The following KRT25 variants were observed in gnomAD, a reference collection of about 807,000 sequenced individuals.
KRT25 encodes the protein keratin, type I cytoskeletal 25.
In KRT25, 37 loss-of-function variants were observed where a neutral mutation model predicts 47.6. That is an observed-to-expected ratio of 0.78 (90% CI 0.60 to 1.02). The LOEUF (loss-of-function observed/expected upper bound fraction) is 1.02. KRT25 is among the 50% of genes least tolerant of loss of function. KRT25 has a pLI of 0.00. For synonymous variants in KRT25, 203 were observed against 210.2 expected, an observed-to-expected ratio of 0.97 and a Z score of 0.30; for missense variants, 542 against 550.3, an observed-to-expected ratio of 0.98 and a Z score of 0.15.
intron 2 of KRT25, 42 bp downstream of exon 2, chr17:40,754,344 A>G: frequency 6.7e-7 from 1 of 1,496,458 alleles, no homozygotes; most frequent in Non-Finnish European, 9.3e-7. Flanking sequence ...AATGCGTTGC[A>G]TGAATTGCCA....
intron 3 of KRT25, among the ~76,000 whole-genome samples, 197 bp downstream of exon 3, chr17:40,753,663 G>A (rs1001169224): frequency 8.6e-6 from 1 of 116,796 alleles, no homozygotes; most frequent in Non-Finnish European, 1.6e-5. Context: ...CAGCCTGGAC[G>A]GCAGAGCGAG....
chr17:40,753,755 G>A (rs1228089104), intron 3 of KRT25, 105 bp downstream of exon 3: 9 of 399,830 alleles, frequency 2.3e-5, no homozygotes, highest in Admixed American at 3.4e-5. Flanking sequence ...GTCTGACAAT[G>A]TGTCTTCAGC....
intron 1 of KRT25, 142 bp downstream of exon 1, chr17:40,754,701 A>G: frequency 1.1e-6 from 1 of 916,488 alleles, no homozygotes. Context: ...CTGGGCAACA[A>G]GAGCAAAACT....
chr17:40,751,234 G>A lies in KRT25; in HGVS notation c.762C>T (p.Asn254=), dbSNP rs1212722820. 3.1e-6 allele frequency: 5 copies of A among 1,614,156 alleles called. No homozygotes were observed. Among genetic ancestry groups the A allele is most frequent in the South Asian group, 1.1e-5 (1 of 91,086 alleles). ...CAAGGGCTTCGTACTCAGCTCGCATGTTGTTCAGCAGAACTGTGAGGTCCA... is the reference window on the plus strand; with the variant it reads ...CAAGGGCTTCGTACTCAGCTCGCATATTGTTCAGCAGAACTGTGAGGTCCA... The part of the protein sequence containing the change: ...PGVDLTVLLN[N]MRAEYEALAE... Residue 254 remains asparagine, a synonymous_variant, in exon 4 of 8, where the codon AAC becomes AAT. Coordinates refer to ENST00000312150, the MANE Select transcript of KRT25 (RefSeq NM_181534.4).
chr17:40,749,397 T>G lies in KRT25; in HGVS notation c.1176-72A>C, dbSNP rs2038026173. On this transcript the variant is annotated intron_variant, in intron 6 of 7. Transcript: ENST00000312150. ...ATTCTAGGATCACCATATGGTTTTC[T>G]TTAGCTCTTTGGTAGTTTCAACTGT... 3.6e-6 allele frequency: 4 copies of G among 1,122,788 alleles called. No individual in the cohort carries two copies. In the African/African-American group the frequency reaches 6.2e-5, roughly 17 times the overall value. The allele number at this position is 1,122,788 out of a possible 1,614,324, so 69.6% of individuals were successfully genotyped here.
Position 40,753,840 on chromosome 17 carries a change from T to G in KRT25, c.669+20A>C, listed in dbSNP as rs1433729334. ...CAGTGTCTGCGGAGGGATAGCAAAA[T>G]GTAGACGACCAGCTCTTACCTCTTT... On this transcript the variant is annotated intron_variant, in intron 3 of 7. Transcript: ENST00000312150. The G allele has an allele frequency of 2.5e-6, 4 of 1,611,706 alleles. No individual in the cohort carries two copies. The highest frequency in any genetic ancestry group is 3.4e-6 in the Non-Finnish European group (4 of 1,178,846).
Position 40,748,132 on chromosome 17 carries a change from T to C in KRT25, c.*145A>G, listed in dbSNP as rs943938031. ...GCATTCTTCTAGATGAATGGGGAGA[T>C]GCTGTCATTGATTGCCCAGAAAGAA... On this transcript the variant is annotated 3_prime_UTR_variant, in exon 8 of 8. Coordinates refer to ENST00000312150, the MANE Select transcript of KRT25 (RefSeq NM_181534.4). 6 of 533,650 alleles carry C rather than the reference T, an allele frequency of 1.1e-5. No homozygotes were observed. The highest frequency in any genetic ancestry group is 2.0e-5 in the Non-Finnish European group (6 of 304,280). The allele number at this position is 533,650 out of a possible 1,614,324, so 33.1% of individuals were successfully genotyped here.
Position 40,755,238 on chromosome 17 carries a change from A to T in KRT25, c.34T>A (p.Ser12Thr). 6.2e-7 allele frequency: 1 copy of T among 1,613,980 alleles called. No individual in the cohort carries two copies. The highest frequency in any genetic ancestry group is 2.2e-5 in the East Asian group (1 of 44,878). Residue 12 changes from serine to threonine, a missense_variant, in exon 1 of 8, where the codon TCC becomes ACC. Physicochemically the swap from Ser to Thr is moderately conservative, Grantham distance 58. Coordinates refer to ENST00000312150, the MANE Select transcript of KRT25 (RefSeq NM_181534.4). ...GATCCAGTGGTGGGACGAGGACAGG[A>T]CCTCCTGGATGCACTGGAAAGTCGA... ...SLRLSSASRR[S>T]CPRPTTGSLR...
At chr17:40,752,682 A>G (rs1054037977) in intron 3 of KRT25, among the ~76,000 whole-genome samples, 14 of 152,224 alleles carry the variant, frequency 9.2e-5, no homozygotes, top group Non-Finnish European at 2.1e-4. Flanking sequence ...ACAAAAATCA[A>G]TTGCTTTTGA....
chr17:40,750,634 T>C (rs758129489), intron 5 of KRT25, 37 bp from the exon 6 acceptor site: 2 of 1,607,318 alleles, frequency 1.2e-6, no homozygotes, highest in African/African-American at 2.7e-5. Context: ...GAAATGGATA[T>C]GCAGATATGC....
rs866035716 is a variant in KRT25 at position 40,751,875 on chromosome 17, T to C, written c.670-549A>G. 6.6e-4 allele frequency among the ~76,000 whole-genome samples: 50 copies of C among 75,960 alleles called. No homozygotes were observed. The East Asian group carries it at 9.3e-3, about 14-fold the overall frequency. 49.8% of individuals were successfully genotyped at this position (75,960 alleles called of 152,430 possible). A position where few individuals can be genotyped will look rare whatever the true frequency, so the allele number is the denominator to read the frequency against. ...ATAAATGTATGTGTGTGTGTGTGTGTGTGCGTGCGTGTGTGTGTGTGTGTG... is the reference window on the plus strand; with the variant it reads ...ATAAATGTATGTGTGTGTGTGTGTGCGTGCGTGCGTGTGTGTGTGTGTGTG... On this transcript the variant is annotated intron_variant, in intron 3 of 7. Coordinates refer to ENST00000312150, the MANE Select transcript of KRT25 (RefSeq NM_181534.4).
At chr17:40,751,365 T>C (rs761405423) in intron 3 of KRT25, 39 bp from the exon 4 acceptor site, 1 of 1,563,316 alleles carries the variant, frequency 6.4e-7, no homozygotes, top group Admixed American at 2.0e-5. Flanking sequence ...TCTGCAGGAA[T>C]CTCATGGAAA....
At chr17:40,753,375 G>A (rs2038068692) in intron 3 of KRT25, among the ~76,000 whole-genome samples, 1 of 151,580 alleles carries the variant, frequency 6.6e-6, no homozygotes, top group African/African-American at 2.4e-5. Flanking sequence ...GAGCAAGGGT[G>A]AATCTGTACA....
intron 1 of KRT25, 85 bp from the exon 2 acceptor site, chr17:40,754,553 C>T: frequency 1.5e-6 from 2 of 1,302,610 alleles, no homozygotes; most frequent in South Asian, 1.2e-5. Flanking sequence ...TTGGAATTCT[C>T]TTTAAGAAAT....
rs2038024661 is a variant in KRT25 at position 40,749,277 on chromosome 17, AT to A, written c.1223del (p.Asn408MetfsTer13). ...GYKSKDYGSG[N>X]VGSQVKDPAK... ...AATTACCTTTGACTTGACTTCCCAC[AT>A]TTCCAGATCCATAATCTTTAGACTT... On this transcript the variant is annotated frameshift_variant, in exon 7 of 8. Transcript: ENST00000312150. LOFTEE classifies it high-confidence loss of function. 6.2e-7 allele frequency: 1 copy of A among 1,613,316 alleles called. No individual in the cohort carries two copies. Among genetic ancestry groups the A allele is most frequent in the Admixed American group, 1.7e-5 (1 of 60,000 alleles).
Position 40,753,888 on chromosome 17 carries a change from A to G in KRT25, c.641T>C (p.Met214Thr), listed in dbSNP as rs772919324. The stretch of plus-strand genomic sequence containing the variant: ...TTTATGGTTCTTTTTGAGGTAAGTC[A>G]TCTCCTCACTCAGGGTTTCATACTG... Reference protein sequence around the residue: ...EIQYETLSEEMTYLKKNHKEE... With the variant: ...EIQYETLSEETTYLKKNHKEE... The change falls in exon 3 of 8, where the codon ATG (methionine) becomes ACG (threonine). Residue 214 changes from methionine to threonine, a missense_variant. Physicochemically the swap from Met to Thr is moderately conservative, Grantham distance 81. Coordinates refer to ENST00000312150, the MANE Select transcript of KRT25 (RefSeq NM_181534.4). The G allele has an allele frequency of 6.2e-7, 1 of 1,613,994 alleles. No individual in the cohort carries two copies. The highest frequency in any genetic ancestry group is 8.5e-7 in the Non-Finnish European group (1 of 1,179,994).
At position 40,751,225 on chromosome 17, in the gene KRT25, A is replaced by G; in HGVS notation, c.771T>C (p.Ala257=). 5.0e-6 allele frequency: 8 copies of G among 1,614,126 alleles called. No homozygotes were observed. The highest frequency in any genetic ancestry group is 6.8e-6 in the Non-Finnish European group (8 of 1,179,952). Residue 257 remains alanine (A), a synonymous_variant, in exon 4 of 8, where the codon GCT becomes GCC. Transcript: ENST00000312150. The stretch of plus-strand genomic sequence containing the variant: ...TCTGCTCTGCAAGGGCTTCGTACTC[A>G]GCTCGCATGTTGTTCAGCAGAACTG... ...DLTVLLNNMR[A]EYEALAEQNR...
At chr17:40,754,176 A>G (rs1170467148) in intron 2 of KRT25, among the ~76,000 whole-genome samples, 160 bp from the exon 3 acceptor site, 1 of 152,228 alleles carries the variant, frequency 6.6e-6, no homozygotes, top group African/African-American at 2.4e-5. Context: ...TCTACTTTGC[A>G]GTATTTGACA....
At chr17:40,755,447 G>T, upstream of KRT25, 1 of 605,590 alleles carries the variant, frequency 1.7e-6, no homozygotes, top group Non-Finnish European at 2.8e-6. Flanking sequence ...GGCATAATTG[G>T]GTGATTTTTT....
Sources: gnomAD v4.1 joint callset for allele counts (sites outside exome capture counted in the v4.1 genomes callset) on GRCh38, gnomAD v4.1.1 for gene constraint, MANE v1.5 for transcripts, NCBI Gene and HGNC (gene_info 2026-07-23, HGNC 2026-07-21) for gene names.